Variants in SCN3A observed in about 807,000 individuals in gnomAD.
SCN3A encodes sodium voltage-gated channel alpha subunit 3, also known as sodium channel protein type 3 subunit alpha.
Under a neutral mutation model 187.6 loss-of-function variants are expected in SCN3A, and 60 were observed. The observed-to-expected ratio is 0.32, with a 90% confidence interval of 0.26 to 0.40. SCN3A has a LOEUF of 0.40. Ranked by LOEUF, SCN3A falls within the 10% of genes least tolerant of loss-of-function variation. SCN3A has a pLI of 1.00. For synonymous variants in SCN3A, 788 were observed against 829.2 expected, an observed-to-expected ratio of 0.95 and a Z score of 0.85; for missense variants, 1,601 against 2,428.2, an observed-to-expected ratio of 0.66 and a Z score of 7.16.
intron 1 of SCN3A, among the ~76,000 whole-genome samples, chr2:165,200,487 A>G (rs1692244683): frequency 6.6e-6 from 1 of 152,084 alleles, no homozygotes; most frequent in Non-Finnish European, 1.5e-5. Context: ...TTTAGTTATC[A>G]TCAACCCTAA....
chr2:165,180,997 T>TA (rs1690813021), intron 2 of SCN3A, among the ~76,000 whole-genome samples: 1 of 152,170 alleles, frequency 6.6e-6, no homozygotes, highest in South Asian at 2.1e-4. Flanking sequence ...TATTAACTAA[T>TA]AATAAGCACT....
chr2:165,173,819 C>T (rs1162987481), intron 3 of SCN3A, among the ~76,000 whole-genome samples: 1 of 152,150 alleles, frequency 6.6e-6, no homozygotes, highest in Non-Finnish European at 1.5e-5. Flanking sequence ...CAATCTTCAT[C>T]TTTATGGATA....
At chr2:165,201,772 T>C (rs1692337721) in intron 1 of SCN3A, among the ~76,000 whole-genome samples, 1 of 152,054 alleles carries the variant, frequency 6.6e-6, no homozygotes, top group Non-Finnish European at 1.5e-5. Context: ...TTTTACCACT[T>C]TCATGTTTAG....
chr2:165,199,201 C>A (rs1692167685), intron 1 of SCN3A, among the ~76,000 whole-genome samples: 1 of 151,990 alleles, frequency 6.6e-6, no homozygotes, highest in African/African-American at 2.4e-5. Flanking sequence ...ACTTTGAATT[C>A]ACCCATTGAA....
At position 165,100,294 on chromosome 2, in the gene SCN3A, C is replaced by G. The variant is rs760064028; in HGVS notation, c.3966+8G>C. 7.4e-6 allele frequency: 12 copies of G among 1,612,762 alleles called. No homozygotes were observed. In the African/African-American group the frequency reaches 1.6e-4, roughly 22 times the overall value. On this transcript the variant is annotated splice_region_variant and intron_variant, in intron 22 of 27. Transcript: ENST00000283254. ...GACATGAATAATTAGAGTGTCTATT[C>G]TTCTTACCCTCATGCCTTCAAACCG... is the stretch of plus-strand genomic sequence containing the variant.
rs71393659 is a variant in SCN3A at position 165,153,987 on chromosome 2, A to ATTTTTTTTTTTTT, written c.1380+452_1380+464dup. Among the ~76,000 whole-genome samples, 89 of 92,762 alleles carry ATTTTTTTTTTTTT rather than the reference A, an allele frequency of 9.6e-4. 14 individuals carry two copies. Among genetic ancestry groups the ATTTTTTTTTTTTT allele is most frequent in the African/African-American group, 1.6e-3 (34 of 21,278 alleles). 60.9% of individuals were successfully genotyped at this position (92,762 alleles called of 152,430 possible). ...TATCCTGATGTGGGCTATAGCAAAC[A>ATTTTTTTTTTTTT]TTTTTTTTTTTTTTTTTTTTTGCTA... On this transcript the variant is annotated intron_variant, in intron 11 of 27. Transcript: ENST00000283254.
chr2:165,138,905 T>A (rs527549084), intron 14 of SCN3A, among the ~76,000 whole-genome samples: 1 of 152,254 alleles, frequency 6.6e-6, no homozygotes, highest in South Asian at 2.1e-4. Flanking sequence ...ATGAACAAGT[T>A]TAGTGTATAA....
chr2:165,155,458 G>A (rs564890420), intron 10 of SCN3A, among the ~76,000 whole-genome samples: 4 of 151,852 alleles, frequency 2.6e-5, no homozygotes, highest in Non-Finnish European at 5.9e-5. Context: ...GGAGTGCAAT[G>A]ATATGATCTC....
chr2:165,181,089 G>A (rs146797566), intron 2 of SCN3A, among the ~76,000 whole-genome samples: 1 of 152,172 alleles, frequency 6.6e-6, no homozygotes, highest in Non-Finnish European at 1.5e-5. Context: ...AGAAGAATTT[G>A]TTTCACATTT....
rs772467017 is a variant in SCN3A at position 165,129,999 on chromosome 2, C to T, written c.2863G>A (p.Ala955Thr). 30 of 1,614,012 alleles carry T rather than the reference C, an allele frequency of 1.9e-5. No homozygotes were observed. Among genetic ancestry groups the T allele is most frequent in the Non-Finnish European group, 2.4e-5 (28 of 1,180,022 alleles). Reference sequence around the variant, plus strand: ...ACAATAAGGCACATGGTTTGGCCAGCGACCTCCATACAGTCCCACATGGTC... The same window carrying T: ...ACAATAAGGCACATGGTTTGGCCAGTGACCTCCATACAGTCCCACATGGTC... ...IETMWDCMEV[A>T]GQTMCLIVFM... is the part of the protein sequence containing the mutation. Residue 955 changes from alanine to threonine, a missense_variant, in exon 17 of 28, where the codon GCT becomes ACT. Transcript: ENST00000283254.
intron 11 of SCN3A, among the ~76,000 whole-genome samples, chr2:165,151,450 A>G (rs1316483946): frequency 1.3e-5 from 2 of 152,224 alleles, no homozygotes; most frequent in Non-Finnish European, 2.9e-5. Flanking sequence ...AACAGAGACC[A>G]GATTTGCTCT....
intron 5 of SCN3A, among the ~76,000 whole-genome samples, chr2:165,165,316 T>G (rs1166137793): frequency 2.6e-5 from 4 of 152,010 alleles, no homozygotes; most frequent in Non-Finnish European, 5.9e-5. Context: ...TATTATCATA[T>G]GAAATGTTCC....
chr2:165,137,924 G>A lies in SCN3A; in HGVS notation c.2346C>T (p.Tyr782=). Residue 782 remains tyrosine (Y), a synonymous_variant, in exon 15 of 28, where the codon TAC becomes TAT. Coordinates refer to ENST00000283254, the MANE Select transcript of SCN3A (RefSeq NM_006922.4). ...CACTACTGAATTGCTCAGTCATGGG[G>A]TAGTGCTCCATGGCCATAAAGAGGG... ...LNTLFMAMEH[Y]PMTEQFSSVL... is the part of the protein sequence containing the mutation. 3 of 1,613,330 alleles carry A rather than the reference G, an allele frequency of 1.9e-6. No individual in the cohort carries two copies. The highest frequency in any genetic ancestry group is 2.5e-6 in the Non-Finnish European group (3 of 1,179,408).
At chr2:165,186,249 G>A (rs775805580) in intron 2 of SCN3A, among the ~76,000 whole-genome samples, 4 of 151,688 alleles carry the variant, frequency 2.6e-5, no homozygotes, top group Non-Finnish European at 4.4e-5. Context: ...CAGCCTGGGC[G>A]ACAGAGAGAG....
chr2:165,097,325 T>G lies in SCN3A; in HGVS notation c.4166A>C (p.Lys1389Thr). 1 of 1,614,108 alleles carries G rather than the reference T, an allele frequency of 6.2e-7. No homozygotes were observed. Among genetic ancestry groups the G allele is most frequent in the Non-Finnish European group, 8.5e-7 (1 of 1,179,992 alleles). ...NNLSDCQALGKQARWKNVKVN... is the reference protein window; with the variant it reads ...NNLSDCQALGTQARWKNVKVN... Reference sequence around the variant, plus strand: ...TTTCACGTTTTTCCACCGAGCTTGCTTGCCAAGAGCCTGACAGTCACTCAA... The same window carrying G: ...TTTCACGTTTTTCCACCGAGCTTGCGTGCCAAGAGCCTGACAGTCACTCAA... The change falls in exon 23 of 28, where the codon AAG (lysine) becomes ACG (threonine). Residue 1389 changes from lysine (K) to threonine (T), a missense_variant. Transcript: ENST00000283254.
intron 2 of SCN3A, among the ~76,000 whole-genome samples, chr2:165,178,719 C>T (rs1404898736): frequency 6.6e-6 from 1 of 151,958 alleles, no homozygotes; most frequent in East Asian, 1.9e-4. Context: ...TATAGTTGGG[C>T]AGCACATTTT....
Position 165,100,319 on chromosome 2 carries a change from G to C in SCN3A, c.3949C>G (p.Arg1317Gly). ...RALRPLRALS[R>G]FEGMRVVVNA... Reference sequence around the variant, plus strand: ...CTTCTTACCCTCATGCCTTCAAACCGGGATAAGGCTCTTAGAGGTCTTAAA... The same window carrying C: ...CTTCTTACCCTCATGCCTTCAAACCCGGATAAGGCTCTTAGAGGTCTTAAA... The change falls in exon 22 of 28, where the codon CGG becomes GGG. Residue 1317 changes from arginine to glycine, a missense_variant. This residue lies in a region of SCN3A where 320 missense variants were observed against 623.2 expected (regional missense o/e 0.51). Transcript: ENST00000283254. The C allele has an allele frequency of 6.2e-7, 1 of 1,613,648 alleles. No homozygotes were observed. Among genetic ancestry groups the C allele is most frequent in the African/African-American group, 1.3e-5 (1 of 74,978 alleles).
intron 21 of SCN3A, among the ~76,000 whole-genome samples, chr2:165,103,564 A>G (rs763625488): frequency 1.3e-5 from 2 of 152,178 alleles, no homozygotes; most frequent in Non-Finnish European, 2.9e-5. Flanking sequence ...TACACAGTAA[A>G]TAAATGGAAA....
intron 11 of SCN3A, among the ~76,000 whole-genome samples, chr2:165,147,646 C>G (rs1559231487): frequency 2.0e-5 from 3 of 151,864 alleles, no homozygotes; most frequent in Non-Finnish European, 4.4e-5. Context: ...TTACATATCA[C>G]TTAAAAAATG....
Sources: allele counts gnomAD v4.1 joint callset (sites outside exome capture counted in the v4.1 genomes callset), GRCh38; gene constraint gnomAD v4.1.1; regional missense constraint gnomAD v4.1.1; transcripts MANE v1.5; gene names NCBI Gene and HGNC (gene_info 2026-07-23, HGNC 2026-07-21).